The following MIPOL1 variants were observed in gnomAD, a reference collection of about 807,000 sequenced individuals.
The protein encoded by MIPOL1 is mirror-image polydactyly 1, also known as mirror-image polydactyly gene 1 protein.
Under a neutral mutation model 60.9 loss-of-function variants are expected in MIPOL1, and 57 were observed. That is an observed-to-expected ratio of 0.94 (90% CI 0.76 to 1.17). The LOEUF (loss-of-function observed/expected upper bound fraction) is 1.17. MIPOL1 is among the 50% of genes most tolerant of loss of function. The pLI is 0.00. For missense variants in MIPOL1, 551 were observed against 511.6 expected, an observed-to-expected ratio of 1.08 and a Z score of -0.74; for synonymous variants, 179 against 168.8, an observed-to-expected ratio of 1.06 and a Z score of -0.47.
chr14:37,313,973 T>C (rs1033757044), intron 9 of MIPOL1, among the ~76,000 whole-genome samples: 1 of 152,176 alleles, frequency 6.6e-6, no homozygotes, highest in African/African-American at 2.4e-5. Flanking sequence ...TCTTCTTGCC[T>C]GTTAAGGCCA....
chr14:37,264,898 C>A (rs1240102163), intron 3 of MIPOL1, among the ~76,000 whole-genome samples: 1 of 152,106 alleles, frequency 6.6e-6, no homozygotes, highest in Non-Finnish European at 1.5e-5. Context: ...TGCCATTTTT[C>A]TGGATGACTT....
chr14:37,442,681 A>T (rs976728016), intron 11 of MIPOL1, among the ~76,000 whole-genome samples: 13 of 151,598 alleles, frequency 8.6e-5, no homozygotes, highest in Admixed American at 6.5e-5. Context: ...TAAAAAATTT[A>T]AAAAATTGTT....
At chr14:37,302,121 G>A (rs911343195) in intron 7 of MIPOL1, among the ~76,000 whole-genome samples, 53 of 147,170 alleles carry the variant, frequency 3.6e-4, no homozygotes, top group Non-Finnish European at 6.3e-4. Context: ...AAACCCAGTA[G>A]CAATACTGCT....
chr14:37,455,149 G>A (rs938017806), intron 11 of MIPOL1, among the ~76,000 whole-genome samples: 1 of 152,070 alleles, frequency 6.6e-6, no homozygotes, highest in African/African-American at 2.4e-5. Context: ...TGTATAAAAT[G>A]GAAGGCAGCA....
At chr14:37,237,505 A>G (rs1196775573) in intron 1 of MIPOL1, among the ~76,000 whole-genome samples, 2 of 152,076 alleles carry the variant, frequency 1.3e-5, no homozygotes, top group Non-Finnish European at 2.9e-5. Flanking sequence ...TGGTTCAGAC[A>G]GTTTCTGCTT....
intron 12 of MIPOL1, among the ~76,000 whole-genome samples, chr14:37,528,125 T>TTA (rs2095458788): frequency 6.6e-6 from 1 of 152,074 alleles, no homozygotes; most frequent in Non-Finnish European, 1.5e-5. Context: ...TTTTTACAAA[T>TTA]TACTAAAGTA....
chr14:37,232,923 A>T (rs2153319789), intron 1 of MIPOL1, among the ~76,000 whole-genome samples: 1 of 152,366 alleles, frequency 6.6e-6, no homozygotes, highest in East Asian at 1.9e-4. Context: ...TACAGTGATT[A>T]AACTATTCAG....
At chr14:37,284,327 A>G (rs1339513562) in intron 6 of MIPOL1, among the ~76,000 whole-genome samples, 1 of 151,086 alleles carries the variant, frequency 6.6e-6, no homozygotes, top group Non-Finnish European at 1.5e-5. Flanking sequence ...TGATCATTGT[A>G]TTATTATTAT....
intron 9 of MIPOL1, among the ~76,000 whole-genome samples, chr14:37,358,029 C>T (rs1232937957): frequency 1.3e-5 from 2 of 151,776 alleles, no homozygotes; most frequent in Non-Finnish European, 2.9e-5. Context: ...GTGATGTTCC[C>T]TGCCCTATGT....
intron 11 of MIPOL1, among the ~76,000 whole-genome samples, chr14:37,455,197 A>G (rs1213715143): frequency 3.3e-5 from 5 of 152,374 alleles, no homozygotes; most frequent in South Asian, 2.1e-4. Context: ...CTGAATTACT[A>G]TGAGTCAACA....
intron 9 of MIPOL1, among the ~76,000 whole-genome samples, chr14:37,325,342 A>T (rs2153449827): frequency 6.6e-6 from 1 of 152,254 alleles, no homozygotes; most frequent in South Asian, 2.1e-4. Context: ...CTTCAAAGAA[A>T]TTAGGAGAAG....
At chr14:37,398,273 G>A (rs750260981) in intron 10 of MIPOL1, among the ~76,000 whole-genome samples, 1 of 152,122 alleles carries the variant, frequency 6.6e-6, no homozygotes, top group Non-Finnish European at 1.5e-5. Context: ...ATTTGCGAGC[G>A]GATTATCTCC....
chr14:37,489,679 T>C (rs111286001), intron 11 of MIPOL1, among the ~76,000 whole-genome samples: 1 of 152,194 alleles, frequency 6.6e-6, no homozygotes, highest in African/African-American at 2.4e-5. Context: ...CTTTCTGTTT[T>C]TTGGTTTTCC....
At chr14:37,234,945 T>TA (rs1486043912) in intron 1 of MIPOL1, among the ~76,000 whole-genome samples, 2 of 138,600 alleles carry the variant, frequency 1.4e-5, no homozygotes, top group Non-Finnish European at 3.0e-5. Flanking sequence ...ACGGCTAATT[T>TA]TTTTTTTTTT....
At chr14:37,508,454 A>T (rs2153620927) in intron 12 of MIPOL1, among the ~76,000 whole-genome samples, 2 of 152,294 alleles carry the variant, frequency 1.3e-5, no homozygotes, top group African/African-American at 4.8e-5. Context: ...TCAATGGCTC[A>T]TTTTAAACGA....
chr14:37,332,311 A>G (rs575716225), intron 9 of MIPOL1, among the ~76,000 whole-genome samples: 1 of 152,278 alleles, frequency 6.6e-6, no homozygotes, highest in East Asian at 1.9e-4. Flanking sequence ...ATATATTGAA[A>G]TGATTATATC....
At chr14:37,268,518 C>CA (rs1180278558) in intron 4 of MIPOL1, 140 bp from the exon 5 acceptor site, 7 of 619,034 alleles carry the variant, frequency 1.1e-5, no homozygotes, top group Non-Finnish European at 1.9e-5. Context: ...ATAAGGCCTT[C>CA]AAAAAAACAG....
At chr14:37,268,518 C>G in intron 4 of MIPOL1, 140 bp from the exon 5 acceptor site, 1 of 619,156 alleles carries the variant, frequency 1.6e-6, no homozygotes, top group Non-Finnish European at 2.7e-6. Context: ...ATAAGGCCTT[C>G]AAAAAAACAG....
At chr14:37,409,177 A>T (rs1371627488) in intron 10 of MIPOL1, among the ~76,000 whole-genome samples, 1 of 152,176 alleles carries the variant, frequency 6.6e-6, no homozygotes, top group Non-Finnish European at 1.5e-5. Flanking sequence ...TATTATCAGG[A>T]AAATATGATT....
Sources: gnomAD v4.1 joint callset for allele counts (sites outside exome capture counted in the v4.1 genomes callset) on GRCh38, gnomAD v4.1.1 for gene constraint, MANE v1.5 for transcripts, NCBI Gene and HGNC (gene_info 2026-07-23, HGNC 2026-07-21) for gene names.